KCNH8: variants seen among roughly 807,000 people sequenced by gnomAD.
KCNH8 encodes the protein voltage-gated delayed rectifier potassium channel KCNH8.
Under a neutral mutation model 103.6 loss-of-function variants are expected in KCNH8, and 70 were observed. The ratio of observed to expected loss-of-function variants is 0.68; its 90% CI spans 0.56 to 0.82. The LOEUF (loss-of-function observed/expected upper bound fraction) is 0.82, where lower values mean the gene tolerates loss of function less well. KCNH8 is among the 40% of genes least tolerant of loss of function. KCNH8 has a pLI of 0.00. For synonymous variants in KCNH8, 498 were observed against 489.4 expected, an observed-to-expected ratio of 1.02 and a Z score of -0.23; for missense variants, 1,217 against 1,329.9, an observed-to-expected ratio of 0.92 and a Z score of 1.32.
At chr3:19,482,419 G>C (rs749008762) in intron 11 of KCNH8, among the ~76,000 whole-genome samples, 18 of 152,142 alleles carry the variant, frequency 1.2e-4, no homozygotes, top group Non-Finnish European at 2.1e-4. Context: ...TCATTAGTGG[G>C]AGTTTTCACT....
chr3:19,453,658 G>T (rs1332521869), intron 10 of KCNH8, among the ~76,000 whole-genome samples: 1 of 152,146 alleles, frequency 6.6e-6, no homozygotes, highest in Non-Finnish European at 1.5e-5. Context: ...CACAGCCCTC[G>T]TGAATGGGAT....
intron 15 of KCNH8, among the ~76,000 whole-genome samples, chr3:19,522,433 TCAAA>T (rs766408777): frequency 2.6e-5 from 4 of 151,776 alleles, no homozygotes; most frequent in African/African-American, 9.7e-5. Flanking sequence ...ATGTTTTAGC[TCAAA>T]CAGTCAGGCA....
intron 1 of KCNH8, among the ~76,000 whole-genome samples, chr3:19,164,173 C>T (rs138595783): frequency 3.9e-5 from 6 of 152,204 alleles, no homozygotes; most frequent in Non-Finnish European, 8.8e-5. Context: ...TCTCTTTTGA[C>T]CTGTCATTGC....
intron 1 of KCNH8, among the ~76,000 whole-genome samples, chr3:19,227,092 T>C (rs2063940978): frequency 6.6e-6 from 1 of 152,210 alleles, no homozygotes; most frequent in Non-Finnish European, 1.5e-5. Flanking sequence ...CAGGCATAAA[T>C]ATGGGAAATA....
intron 11 of KCNH8, among the ~76,000 whole-genome samples, chr3:19,465,090 C>A (rs537517073): frequency 7.2e-5 from 11 of 152,138 alleles, no homozygotes; most frequent in Non-Finnish European, 1.6e-4. Flanking sequence ...CTGGAGAAAT[C>A]TTTAGCAATT....
In KCNH8 at chr3:19,354,408, A is replaced by G. The variant is rs567587333; in HGVS notation, c.811+6443A>G. ...TAAAGTTCATATGGAACCAAAAAAGAGCCCGCATTGCCAAGTCAGTCCTAA... is the reference window on the plus strand; with the variant it reads ...TAAAGTTCATATGGAACCAAAAAAGGGCCCGCATTGCCAAGTCAGTCCTAA... On this transcript the variant is annotated intron_variant, in intron 5 of 15. Coordinates refer to ENST00000328405, the MANE Select transcript of KCNH8 (RefSeq NM_144633.3). Among the ~76,000 whole-genome samples, 520 of 152,314 alleles carry G rather than the reference A, an allele frequency of 3.4e-3. 5 individuals are homozygous for G. The highest frequency in any genetic ancestry group is 5.4e-3 in the Non-Finnish European group (366 of 68,028).
chr3:19,427,133 G>A (rs373487069), intron 7 of KCNH8, among the ~76,000 whole-genome samples: 12 of 152,100 alleles, frequency 7.9e-5, no homozygotes, highest in African/African-American at 2.7e-4. Context: ...TCTAGATATC[G>A]ACTAGTCATA....
intron 7 of KCNH8, among the ~76,000 whole-genome samples, chr3:19,433,805 A>C (rs1303681267): frequency 2.0e-5 from 3 of 152,218 alleles, no homozygotes; most frequent in Non-Finnish European, 4.4e-5. Context: ...CCTTCTGAGT[A>C]AATCAACAAA....
At chr3:19,374,739 G>A (rs1362236589) in intron 5 of KCNH8, among the ~76,000 whole-genome samples, 1 of 152,032 alleles carries the variant, frequency 6.6e-6, no homozygotes, top group Admixed American at 6.6e-5. Flanking sequence ...GCAGTGGCTG[G>A]TACTAGTTGT....
chr3:19,326,204 G>A (rs977836340), intron 3 of KCNH8, among the ~76,000 whole-genome samples: 8 of 151,854 alleles, frequency 5.3e-5, no homozygotes, highest in African/African-American at 1.9e-4. Context: ...GATGGGAGGA[G>A]AGAGAAGATC....
intron 5 of KCNH8, among the ~76,000 whole-genome samples, chr3:19,372,088 G>A (rs146336471): frequency 0.28 from 41,840 of 151,490 alleles, 6,223 homozygotes; most frequent in African/African-American, 0.38. Context: ...TTGACTTGGC[G>A]ATGCGGGCTC....
intron 5 of KCNH8, among the ~76,000 whole-genome samples, chr3:19,350,752 T>C (rs1026957203): frequency 1.3e-5 from 2 of 151,752 alleles, no homozygotes; most frequent in African/African-American, 4.8e-5. Context: ...AGACCAAAGG[T>C]AGATAAAAAC....
At chr3:19,523,704 G>A (rs1265313295) in intron 15 of KCNH8, among the ~76,000 whole-genome samples, 3 of 151,918 alleles carry the variant, frequency 2.0e-5, no homozygotes, top group Non-Finnish European at 2.9e-5. Context: ...AATTGGAAAA[G>A]AAAGTGTAAG....
At chr3:19,468,065 C>A (rs953699279) in intron 11 of KCNH8, among the ~76,000 whole-genome samples, 1 of 152,142 alleles carries the variant, frequency 6.6e-6, no homozygotes, top group East Asian at 1.9e-4. Flanking sequence ...GGAGTTTGCC[C>A]TCTCCCAGTT....
rs565434572 is a variant in KCNH8, at chr3:19,460,687, C to G, written c.2040+3705C>G. The stretch of plus-strand genomic sequence containing the variant: ...TCTTAAAGTTGATTTCTCTCAAATT[C>G]CTTCAAGAAGTTTCATATGGTTTGA... On this transcript the variant is annotated intron_variant, in intron 11 of 15. Coordinates refer to ENST00000328405, the MANE Select transcript of KCNH8 (RefSeq NM_144633.3). Among the ~76,000 whole-genome samples the G allele has an allele frequency of 2.0e-5, 3 of 152,232 alleles. No homozygotes were observed. In the South Asian group the frequency reaches 6.2e-4, roughly 32 times the overall value.
At chr3:19,261,780 G>A (rs2064439353) in intron 2 of KCNH8, among the ~76,000 whole-genome samples, 1 of 151,538 alleles carries the variant, frequency 6.6e-6, no homozygotes, top group Non-Finnish European at 1.5e-5. Context: ...GTTGAATTTT[G>A]TGTATGGTGT....
intron 3 of KCNH8, among the ~76,000 whole-genome samples, chr3:19,338,597 A>G (rs192793381): frequency 6.8e-4 from 103 of 152,238 alleles, no homozygotes; most frequent in African/African-American, 2.3e-3. Context: ...ACCATTTAGT[A>G]AGGCACGGTG....
At chr3:19,329,801 A>G (rs537918317) in intron 3 of KCNH8, among the ~76,000 whole-genome samples, 3 of 152,292 alleles carry the variant, frequency 2.0e-5, no homozygotes, top group African/African-American at 4.8e-5. Context: ...GAAAAAAAGC[A>G]TGCATTCTGG....
At chr3:19,464,574 A>G (rs1459238610) in intron 11 of KCNH8, among the ~76,000 whole-genome samples, 2 of 152,184 alleles carry the variant, frequency 1.3e-5, no homozygotes, top group South Asian at 2.1e-4. Flanking sequence ...GACAGCAGTA[A>G]CAGAATAAAA....
Sources: allele counts gnomAD v4.1 joint callset (sites outside exome capture counted in the v4.1 genomes callset), GRCh38; gene constraint gnomAD v4.1.1; transcripts MANE v1.5; gene names NCBI Gene and HGNC (gene_info 2026-07-23, HGNC 2026-07-21).